The following IGSF9 variants were observed in gnomAD, a reference collection of about 807,000 sequenced individuals.
IGSF9 encodes immunoglobulin superfamily member 9, also known as protein turtle homolog A.
Under a neutral mutation model 121.7 loss-of-function variants are expected in IGSF9, and 87 were observed. That is an observed-to-expected ratio of 0.71 (90% confidence interval 0.60 to 0.85). The LOEUF (loss-of-function observed/expected upper bound fraction) is 0.85. Among genes scored for constraint, IGSF9 ranks in the 40% least tolerant of loss-of-function variants. The pLI is 0.00. For missense variants in IGSF9, 1,462 were observed against 1,565.3 expected (o/e 0.93, Z 1.11); for synonymous variants, 640 against 648.4 (o/e 0.99, Z 0.20).
chr1:159,931,327 C>T lies in IGSF9; in HGVS notation c.1514-66G>A, dbSNP rs1437596715. The T allele has an allele frequency of 6.2e-7, 1 of 1,606,698 alleles. No individual in the cohort carries two copies. Among genetic ancestry groups the T allele is most frequent in the Non-Finnish European group, 8.5e-7 (1 of 1,174,996 alleles). On this transcript the variant is annotated intron_variant, in intron 12 of 20. Transcript: ENST00000368094. The surrounding 1 kb of genome is among the most constrained non-coding windows in gnomAD (Gnocchi z 4.8). ...GGGAGTGTACAGAGTAGCAGGGGCC[C>T]CAGGGCCACTGACCTTCACCCATCA...
rs774356076 is a variant in IGSF9 at position 159,943,115 on chromosome 1, C to T, written c.95G>A (p.Arg32Gln). The T allele has an allele frequency of 6.3e-6, 10 of 1,599,046 alleles. No individual in the cohort carries two copies. The highest frequency in any genetic ancestry group is 1.8e-5 in the Admixed American group (1 of 54,966). The part of the protein sequence containing the change: ...GKPEVVSVVG[R>Q]AGESVVLGCD... ...GCCCAGCACCACACTCTCCCCAGCC[C>T]GGCCCACCACCGATACCACCTCAGG... The change falls in exon 3 of 21, where the codon CGG becomes CAG. Residue 32 changes from arginine (R) to glutamine (Q), a missense_variant. By Grantham distance (43) the Arg-to-Gln change is conservative. This residue lies in a region of IGSF9 where 558 missense variants were observed against 599.4 expected (regional missense o/e 0.93). Coordinates refer to ENST00000368094, the MANE Select transcript of IGSF9 (RefSeq NM_001135050.2).
Position 159,931,463 on chromosome 1 carries a change from G to C in IGSF9, c.1503C>G (p.Val501=). Residue 501 remains valine, a synonymous_variant, in exon 12 of 21, where the codon GTC becomes GTG. Transcript: ENST00000368094. The surrounding 1 kb of genome is among the most constrained non-coding windows in gnomAD (Gnocchi z 4.8). ...TCTCCAGCCACTAACCCAGCACGTA[G>C]ACGTTCGTGGAGGTGGCCACTCGGG... ...AVARVATSTN[V]YVLGTSPHVV... is the part of the protein sequence containing the mutation. 6.2e-7 allele frequency: 1 copy of C among 1,613,782 alleles called. No homozygotes were observed. Among genetic ancestry groups the C allele is most frequent in the Non-Finnish European group, 8.5e-7 (1 of 1,179,718 alleles).
chr1:159,931,633 A>C lies in IGSF9; in HGVS notation c.1363-30T>G. On this transcript the variant is annotated intron_variant, in intron 11 of 20. Transcript: ENST00000368094. The surrounding 1 kb of genome is among the most constrained non-coding windows in gnomAD (Gnocchi z 4.8). ...AGAACCACTGGTGAGCCCTGAGGAC[A>C]CACGCAGCCACCCCTCACCAAAGGC... 3 of 1,603,570 alleles carry C rather than the reference A, an allele frequency of 1.9e-6. No individual in the cohort carries two copies. Among genetic ancestry groups the C allele is most frequent in the Non-Finnish European group, 2.6e-6 (3 of 1,172,896 alleles).
chr1:159,937,101 C>A (rs145886683), intron 4 of IGSF9, among the ~76,000 whole-genome samples, 193 bp from the exon 5 acceptor site: 1 of 152,332 alleles, frequency 6.6e-6, no homozygotes, highest in African/African-American at 2.4e-5. Context: ...CCCACCCCCA[C>A]ACACTGGCCT....
intron 4 of IGSF9, 102 bp downstream of exon 4, chr1:159,937,584 G>T: frequency 1.5e-6 from 2 of 1,348,788 alleles, no homozygotes; most frequent in Non-Finnish European, 2.1e-6. Context: ...AGCTGTTTGT[G>T]GGATGGAAAT....
intron 5 of IGSF9, 91 bp from the exon 6 acceptor site, chr1:159,936,607 C>A: frequency 2.6e-6 from 4 of 1,529,904 alleles, no homozygotes; most frequent in Non-Finnish European, 3.6e-6. Flanking sequence ...AGGCAGCACC[C>A]CAGGCTCGGG....
intron 3 of IGSF9, among the ~76,000 whole-genome samples, chr1:159,941,309 A>T (rs1035994175): frequency 6.6e-6 from 1 of 152,220 alleles, no homozygotes; most frequent in Non-Finnish European, 1.5e-5. Context: ...TAGCAACTGC[A>T]GTTCCGAGTC....
At position 159,932,966 on chromosome 1, in the gene IGSF9, T is replaced by G; in HGVS notation, c.1105-314A>C. 2 of 253,722 alleles carry G rather than the reference T, an allele frequency of 7.9e-6. No individual in the cohort carries two copies. The highest frequency in any genetic ancestry group is 8.9e-5 in the East Asian group (1 of 11,204). The allele number at this position is 253,722 out of a possible 1,614,324, so 15.7% of individuals were successfully genotyped here. ...CCTGCTGGGACTTCACCTGGCTCTC[T>G]TCCCAGCACTCCACAACTAAGTTCA... On this transcript the variant is annotated intron_variant, in intron 9 of 20. Coordinates refer to ENST00000368094, the MANE Select transcript of IGSF9 (RefSeq NM_001135050.2). The surrounding 1 kb of genome is among the most constrained non-coding windows in gnomAD (Gnocchi z 4.1).
chr1:159,939,986 C>A (rs1302816503), intron 3 of IGSF9, among the ~76,000 whole-genome samples: 1 of 152,164 alleles, frequency 6.6e-6, no homozygotes, highest in African/African-American at 2.4e-5. Flanking sequence ...CCACATGATA[C>A]TTTTCATTAT....
chr1:159,930,692 C>T lies in IGSF9; in HGVS notation c.1813G>A (p.Gly605Arg). The part of the protein sequence containing the change: ...FSEIVLSAPE[G>R]LPTTPAAPGL... The stretch of plus-strand genomic sequence containing the variant: ...TGTTCTGGGACGAGAAGCTTCTCAC[C>T]TTCCGGAGCAGACAAGACGATTTCG... Residue 605 changes from glycine to arginine, a missense_variant and splice_region_variant, in exon 14 of 21, where the codon GGG (glycine) becomes AGG (arginine). Transcript: ENST00000368094. 1 of 1,613,990 alleles carries T rather than the reference C, an allele frequency of 6.2e-7. No homozygotes were observed. The highest frequency in any genetic ancestry group is 8.5e-7 in the Non-Finnish European group (1 of 1,179,958).
At position 159,932,420 on chromosome 1, in the gene IGSF9, G is replaced by GCCCCCCCCCCCC; in HGVS notation, c.1245+91_1245+92insGGGGGGGGGGGG. On this transcript the variant is annotated intron_variant, in intron 10 of 20. Transcript: ENST00000368094. The surrounding 1 kb of genome is among the most constrained non-coding windows in gnomAD (Gnocchi z 4.1). ...CTTGGAAACCCCTCCCCATGTGTCT[G>GCCCCCCCCCCCC]CCCCACCCCACCCCCATCAGCCTGG... 2.9e-6 allele frequency: 3 copies of GCCCCCCCCCCCC among 1,021,812 alleles called. No homozygotes were observed. The highest frequency in any genetic ancestry group is 4.4e-6 in the Non-Finnish European group (3 of 689,030). The allele number at this position is 1,021,812 out of a possible 1,614,324, so 63.3% of individuals were successfully genotyped here.
In IGSF9 at chr1:159,931,324, G is replaced by A; in HGVS notation, c.1514-63C>T. 2 of 1,606,760 alleles carry A rather than the reference G, an allele frequency of 1.2e-6. No individual in the cohort carries two copies. The highest frequency in any genetic ancestry group is 2.2e-5 in the East Asian group (1 of 44,744). ...TGAGGGAGTGTACAGAGTAGCAGGGGCCCCAGGGCCACTGACCTTCACCCA... is the reference window on the plus strand; with the variant it reads ...TGAGGGAGTGTACAGAGTAGCAGGGACCCCAGGGCCACTGACCTTCACCCA... On this transcript the variant is annotated intron_variant, in intron 12 of 20. Coordinates refer to ENST00000368094, the MANE Select transcript of IGSF9 (RefSeq NM_001135050.2). This position sits in a 1 kb window ranked among gnomAD's most constrained non-coding sequence, Gnocchi z 4.8.
chr1:159,929,792 G>A lies in IGSF9; in HGVS notation c.2172C>T (p.Arg724=), dbSNP rs760618551. ...GAGGCAGGAGGCCCGGCAGCTGCGTGCGCGAAGGGTAGACCTCCAGACCTA... is the reference window on the plus strand; with the variant it reads ...GAGGCAGGAGGCCCGGCAGCTGCGTACGCGAAGGGTAGACCTCCAGACCTA... ...STSGLEVYPS[R]TQLPGLLPQP... The change falls in exon 17 of 21, where the codon CGC becomes CGT. Residue 724 remains arginine, a synonymous_variant. Transcript: ENST00000368094. 3 of 1,606,012 alleles carry A rather than the reference G, an allele frequency of 1.9e-6. No homozygotes were observed. The highest frequency in any genetic ancestry group is 2.2e-5 in the South Asian group (2 of 89,688).
Position 159,945,590 on chromosome 1 carries a change from GC to G in IGSF9, c.-193del, listed in dbSNP as rs1370229768. The G allele has an allele frequency of 6.6e-6, 1 of 152,136 alleles. No individual in the cohort carries two copies. Among genetic ancestry groups the G allele is most frequent in the Non-Finnish European group, 1.5e-5 (1 of 68,058 alleles). 9.4% of individuals were successfully genotyped at this position (152,136 alleles called of 1,614,324 possible). ...TCCCTCACCTGCTCCGCACCGCTCG[GC>G]TCCACTCTCGCCGCTACACAATAGG... is the stretch of plus-strand genomic sequence containing the variant. On this transcript the variant is annotated 5_prime_UTR_variant, in exon 1 of 21. Coordinates refer to ENST00000368094, the MANE Select transcript of IGSF9 (RefSeq NM_001135050.2).
chr1:159,931,281 G>A lies in IGSF9; in HGVS notation c.1514-20C>T. ...TAGTGCCTAGGCAGGGGGGAATGGA[G>A]GGATGGTGGTCAGGGCCTGAGGGAG... is the stretch of plus-strand genomic sequence containing the variant. On this transcript the variant is annotated intron_variant, in intron 12 of 20. Transcript: ENST00000368094. This position sits in a 1 kb window ranked among gnomAD's most constrained non-coding sequence, Gnocchi z 4.8. 6.2e-7 allele frequency: 1 copy of A among 1,614,060 alleles called. No individual in the cohort carries two copies. Among genetic ancestry groups the A allele is most frequent in the Non-Finnish European group, 8.5e-7 (1 of 1,179,948 alleles).
At chr1:159,934,911 C>T in intron 6 of IGSF9, 89 bp from the exon 7 acceptor site, 1 of 1,500,398 alleles carries the variant, frequency 6.7e-7, no homozygotes, top group Non-Finnish European at 9.1e-7. Flanking sequence ...CCCAGCTCTG[C>T]TCTCTGGAAT....
At position 159,931,319 on chromosome 1, in the gene IGSF9, C is replaced by G. The variant is rs974395421; in HGVS notation, c.1514-58G>C. The G allele has an allele frequency of 1.2e-6, 2 of 1,608,156 alleles. No individual in the cohort carries two copies. The highest frequency in any genetic ancestry group is 1.7e-6 in the Non-Finnish European group (2 of 1,176,028). ...GGGCCTGAGGGAGTGTACAGAGTAG[C>G]AGGGGCCCCAGGGCCACTGACCTTC... On this transcript the variant is annotated intron_variant, in intron 12 of 20. Transcript: ENST00000368094. The surrounding 1 kb of genome is among the most constrained non-coding windows in gnomAD (Gnocchi z 4.8).
At chr1:159,937,479 A>G (rs1311950146) in intron 4 of IGSF9, among the ~76,000 whole-genome samples, 1 of 152,072 alleles carries the variant, frequency 6.6e-6, no homozygotes, top group Non-Finnish European at 1.5e-5. Flanking sequence ...TTGAATTTAT[A>G]TTTGAAGAAC....
chr1:159,930,513 G>A (rs1433977299), intron 14 of IGSF9, 74 bp from the exon 15 acceptor site: 2 of 1,517,674 alleles, frequency 1.3e-6, no homozygotes, highest in East Asian at 4.6e-5. Flanking sequence ...AACTCCCAGT[G>A]CCCAACTCTT....
Sources: allele counts gnomAD v4.1 joint callset (sites outside exome capture counted in the v4.1 genomes callset), GRCh38; gene constraint gnomAD v4.1.1; regional missense constraint gnomAD v4.1.1; non-coding constraint Gnocchi (gnomAD v3.1); transcripts MANE v1.5; gene names NCBI Gene and HGNC (gene_info 2026-07-23, HGNC 2026-07-21).